The following CFAP418 variants were observed in gnomAD, a reference collection of about 807,000 sequenced individuals.
CFAP418 encodes cilia- and flagella-associated protein 418.
A neutral mutation model predicts 24.7 loss-of-function variants in CFAP418; 27 were observed. The observed-to-expected ratio is 1.09, with a 90% CI of 0.81 to 1.51. CFAP418 has a LOEUF of 1.51. Among genes scored for constraint, CFAP418 ranks in the 40% most tolerant of loss-of-function variants. The pLI is 0.00. For missense variants in CFAP418, 257 were observed against 255.2 expected (o/e 1.01, Z -0.05); for synonymous variants, 74 against 87.3 (o/e 0.85, Z 0.85).
At chr8:95,254,997 T>C (rs1184612885) in intron 4 of CFAP418, among the ~76,000 whole-genome samples, 2 of 152,212 alleles carry the variant, frequency 1.3e-5, no homozygotes, top group African/African-American at 4.8e-5. Context: ...ATTTGACCTT[T>C]TCCCTATAGC....
intron 1 of CFAP418, among the ~76,000 whole-genome samples, chr8:95,268,461 C>A (rs1356343721): frequency 2.6e-5 from 4 of 151,938 alleles, no homozygotes; most frequent in Admixed American, 2.6e-4. Context: ...GGCGACAGAG[C>A]GAGACTCCAT....
At chr8:95,268,453 C>T (rs566842580) in intron 1 of CFAP418, among the ~76,000 whole-genome samples, 44 of 152,054 alleles carry the variant, frequency 2.9e-4, no homozygotes, top group Admixed American at 2.7e-3. Flanking sequence ...CCAACCTGGG[C>T]GACAGAGCGA....
Position 95,263,785 on chromosome 8 carries a change from G to A in CFAP418, c.156-11C>T, listed in dbSNP as rs74652296. 26,689 of 1,540,026 alleles carry A rather than the reference G, an allele frequency of 0.017. 329 individuals are homozygous for A. The highest frequency in any genetic ancestry group is 0.017 in the Non-Finnish European group (19,374 of 1,117,106). Reference sequence around the variant, plus strand: ...AATGTTTCTGTTGATCTGAAAAGAAGACATACACAAAGAAAACTTACCTGA... The same window carrying A: ...AATGTTTCTGTTGATCTGAAAAGAAAACATACACAAAGAAAACTTACCTGA... On this transcript the variant is annotated splice_polypyrimidine_tract_variant and intron_variant, in intron 1 of 5. Coordinates refer to ENST00000286688, the MANE Select transcript of CFAP418 (RefSeq NM_177965.4).
chr8:95,247,870 T>A, intron 5 of CFAP418, 100 bp from the exon 6 acceptor site: 1 of 1,291,610 alleles, frequency 7.7e-7, no homozygotes, highest in Non-Finnish European at 1.0e-6. Context: ...TTTTCTTTTT[T>A]TGTTTTTAGG....
At chr8:95,268,447 C>T (rs547331615) in intron 1 of CFAP418, among the ~76,000 whole-genome samples, 90 of 152,140 alleles carry the variant, frequency 5.9e-4, no homozygotes, top group Admixed American at 2.0e-3. Flanking sequence ...TGCACTCCAA[C>T]CTGGGCGACA....
At chr8:95,255,467 T>C (rs1209361597) in intron 4 of CFAP418, among the ~76,000 whole-genome samples, 1 of 152,244 alleles carries the variant, frequency 6.6e-6, no homozygotes, top group Non-Finnish European at 1.5e-5. Flanking sequence ...AGAGAAGTAT[T>C]CCCTGACCCT....
intron 4 of CFAP418, 87 bp downstream of exon 4, chr8:95,259,753 T>C: frequency 2.2e-6 from 2 of 928,342 alleles, no homozygotes; most frequent in Non-Finnish European, 3.4e-6. Flanking sequence ...AACAGATTGA[T>C]GTGAAGATGA....
chr8:95,268,751 C>A (rs1309657633), intron 1 of CFAP418: 1 of 113,398 alleles, frequency 8.8e-6, no homozygotes, highest in Non-Finnish European at 1.5e-5. Flanking sequence ...GCGGGCTCTG[C>A]GGGCGGGGCG....
At chr8:95,255,610 A>C (rs768861869) in intron 4 of CFAP418, among the ~76,000 whole-genome samples, 1 of 152,224 alleles carries the variant, frequency 6.6e-6, no homozygotes, top group Non-Finnish European at 1.5e-5. Flanking sequence ...ATCTAGACTG[A>C]AAGCTCATTG....
At chr8:95,251,225 C>A (rs773456262) in intron 5 of CFAP418, among the ~76,000 whole-genome samples, 17 of 152,044 alleles carry the variant, frequency 1.1e-4, no homozygotes, top group African/African-American at 4.1e-4. Flanking sequence ...TCCAAAGCAC[C>A]GTGAATACAC....
At chr8:95,261,332 T>G (rs1031405122) in intron 2 of CFAP418, among the ~76,000 whole-genome samples, 11 of 152,068 alleles carry the variant, frequency 7.2e-5, no homozygotes, top group Non-Finnish European at 1.6e-4. Context: ...GAAAAAATTT[T>G]GGTACATGTT....
At chr8:95,251,058 T>C (rs1318345739) in intron 5 of CFAP418, among the ~76,000 whole-genome samples, 1 of 152,260 alleles carries the variant, frequency 6.6e-6, no homozygotes, top group Non-Finnish European at 1.5e-5. Flanking sequence ...AATATATTTT[T>C]ATAACTTGTA....
intron 5 of CFAP418, among the ~76,000 whole-genome samples, chr8:95,251,921 G>A (rs1000121186): frequency 6.6e-6 from 1 of 152,134 alleles, no homozygotes; most frequent in Non-Finnish European, 1.5e-5. Flanking sequence ...CCACAAACAT[G>A]TGCAATGCAT....
intron 2 of CFAP418, 137 bp downstream of exon 2, chr8:95,263,544 TTAAGTG>T (rs1446564619): frequency 1.9e-6 from 1 of 528,352 alleles, no homozygotes; most frequent in Non-Finnish European, 3.4e-6. Flanking sequence ...CTACTGCTCT[TTAAGTG>T]TAATAATTTC....
chr8:95,266,725 A>T (rs1186452713), intron 1 of CFAP418, among the ~76,000 whole-genome samples: 1 of 152,206 alleles, frequency 6.6e-6, no homozygotes, highest in Non-Finnish European at 1.5e-5. Context: ...TTGCCAGATG[A>T]AAAGTTTTAA....
chr8:95,248,654 TA>T (rs1811663109), intron 5 of CFAP418, among the ~76,000 whole-genome samples: 1 of 152,130 alleles, frequency 6.6e-6, no homozygotes, highest in African/African-American at 2.4e-5. Flanking sequence ...TAAAAAAGAC[TA>T]CAGAAGTTTA....
chr8:95,268,876 G>C (rs1004656367), intron 1 of CFAP418, 159 bp downstream of exon 1: 5 of 751,162 alleles, frequency 6.7e-6, no homozygotes, highest in Admixed American at 4.8e-5. Context: ...GTCGACGAAT[G>C]CGCTGCCGCG....
chr8:95,269,176 A>G lies in CFAP418; in HGVS notation c.14T>C (p.Leu5Pro), dbSNP rs774858607. 13 of 1,614,150 alleles carry G rather than the reference A, an allele frequency of 8.1e-6. No homozygotes were observed. Among genetic ancestry groups the G allele is most frequent in the Admixed American group, 1.7e-5 (1 of 60,026 alleles). ...CTCGACTTCATCCAAGAGCTCGTCC[A>G]GGTCCTCCGCCATCTTGAATCGCCT... Reference protein sequence around the residue: MAEDLDELLDEVESK... With the variant: MAEDPDELLDEVESK... The change falls in exon 1 of 6, where the codon CTG (leucine) becomes CCG (proline). Residue 5 changes from leucine (L) to proline (P), a missense_variant. By Grantham distance (98) the Leu-to-Pro change is moderately conservative (BLOSUM62 -3). Transcript: ENST00000286688.
chr8:95,248,471 T>C (rs1269730137), intron 5 of CFAP418, among the ~76,000 whole-genome samples: 2 of 152,222 alleles, frequency 1.3e-5, no homozygotes, highest in East Asian at 3.8e-4. Context: ...ATAAAGATCA[T>C]AGGTTTCTGA....
Sources: gnomAD v4.1 joint callset for allele counts (sites outside exome capture counted in the v4.1 genomes callset) on GRCh38, gnomAD v4.1.1 for gene constraint, MANE v1.5 for transcripts, NCBI Gene and HGNC (gene_info 2026-07-23, HGNC 2026-07-21) for gene names.